Variants in TBC1D5 observed in about 807,000 individuals in gnomAD.
TBC1D5 encodes the protein TBC1 domain family member 5.
A neutral mutation model predicts 100.3 loss-of-function variants in TBC1D5; 75 were observed. That is an observed-to-expected ratio of 0.75 (90% CI 0.62 to 0.91). The LOEUF (loss-of-function observed/expected upper bound fraction) is 0.91, where lower values mean the gene tolerates loss of function less well. TBC1D5 is among the 40% of genes least tolerant of loss of function. The pLI is 0.00. For synonymous variants in TBC1D5, 323 were observed against 325.6 expected (o/e 0.99, Z 0.09); for missense variants, 910 against 942.4 (o/e 0.97, Z 0.45).
At chr3:17,499,230 G>C (rs115017016) in intron 3 of TBC1D5, among the ~76,000 whole-genome samples, 2 of 152,090 alleles carry the variant, frequency 1.3e-5, no homozygotes, top group Admixed American at 1.3e-4. Flanking sequence ...TAACAGAAGC[G>C]TTGGGGAGGT....
At chr3:17,233,043 T>C (rs2075548671) in intron 17 of TBC1D5, among the ~76,000 whole-genome samples, 1 of 152,180 alleles carries the variant, frequency 6.6e-6, no homozygotes. Flanking sequence ...TTATATGTTT[T>C]AAAATTGCAT....
At chr3:17,602,730 A>G (rs2153597217) in intron 2 of TBC1D5, among the ~76,000 whole-genome samples, 1 of 151,280 alleles carries the variant, frequency 6.6e-6, no homozygotes, top group East Asian at 1.9e-4. Context: ...CCGCCACCAC[A>G]CCCAGCTAAT....
intron 1 of TBC1D5, among the ~76,000 whole-genome samples, chr3:17,651,688 G>A (rs1359715795): frequency 6.6e-6 from 1 of 151,346 alleles, no homozygotes; most frequent in African/African-American, 2.4e-5. Context: ...GGGTGACAGA[G>A]ACTCGTCTCA....
At chr3:17,691,519 C>G (rs760560588) in intron 1 of TBC1D5, among the ~76,000 whole-genome samples, 11 of 152,090 alleles carry the variant, frequency 7.2e-5, no homozygotes, top group Non-Finnish European at 1.6e-4. Context: ...AAATGCTCCA[C>G]GAAAGAAAAT....
chr3:17,533,068 T>G (rs1049499933), intron 2 of TBC1D5, among the ~76,000 whole-genome samples: 3 of 112,208 alleles, frequency 2.7e-5, no homozygotes, highest in Non-Finnish European at 5.3e-5. Context: ...CACACACACA[T>G]ACACAGACAC....
chr3:17,177,630 C>A (rs2125353922), intron 19 of TBC1D5, among the ~76,000 whole-genome samples: 1 of 152,316 alleles, frequency 6.6e-6, no homozygotes, highest in South Asian at 2.1e-4. Flanking sequence ...CAGAATCTGT[C>A]AAGGGCCAGT....
At chr3:17,243,869 T>C (rs1027458663) in intron 16 of TBC1D5, among the ~76,000 whole-genome samples, 3 of 152,244 alleles carry the variant, frequency 2.0e-5, no homozygotes, top group South Asian at 4.1e-4. Flanking sequence ...CTGTATAACT[T>C]TGGCAATCAG....
chr3:17,605,405 T>C (rs1195460002), intron 2 of TBC1D5, among the ~76,000 whole-genome samples: 3 of 152,204 alleles, frequency 2.0e-5, no homozygotes, highest in Admixed American at 1.3e-4. Context: ...TCATAAGTAA[T>C]GTGTTGAATT....
chr3:17,230,641 C>T (rs896334907), intron 17 of TBC1D5, among the ~76,000 whole-genome samples: 9 of 151,640 alleles, frequency 5.9e-5, no homozygotes, highest in African/African-American at 1.5e-4. Context: ...GATATCTGTG[C>T]GTATGTATAT....
intron 17 of TBC1D5, among the ~76,000 whole-genome samples, chr3:17,222,080 T>C (rs1479317496): frequency 6.6e-6 from 1 of 152,218 alleles, no homozygotes; most frequent in African/African-American, 2.4e-5. Flanking sequence ...CCTTTTGGTT[T>C]CACTCATGTA....
intron 1 of TBC1D5, among the ~76,000 whole-genome samples, chr3:17,716,709 A>G (rs1234461269): frequency 1.3e-5 from 2 of 152,204 alleles, no homozygotes; most frequent in African/African-American, 4.8e-5. Context: ...TCATGTAATC[A>G]TTATATGAAA....
intron 1 of TBC1D5, among the ~76,000 whole-genome samples, chr3:17,625,571 G>A (rs1450209683): frequency 6.6e-6 from 1 of 152,038 alleles, no homozygotes; most frequent in Non-Finnish European, 1.5e-5. Context: ...TGAGAATACA[G>A]AAGGCATATT....
chr3:17,590,138 T>C (rs534624255), intron 2 of TBC1D5, among the ~76,000 whole-genome samples: 1 of 152,026 alleles, frequency 6.6e-6, no homozygotes, highest in Admixed American at 6.6e-5. Flanking sequence ...AGGTTGAGAG[T>C]GTGACCCATG....
At chr3:17,548,493 T>C (rs2096440833) in intron 2 of TBC1D5, among the ~76,000 whole-genome samples, 1 of 152,160 alleles carries the variant, frequency 6.6e-6, no homozygotes, top group Non-Finnish European at 1.5e-5. Context: ...AAAAAAAACC[T>C]TTGTGCATCT....
rs914996560 is a variant in TBC1D5 at position 17,395,922 on chromosome 3, G to C, written c.509+7259C>G. Among the ~76,000 whole-genome samples the C allele has an allele frequency of 2.0e-5, 3 of 152,100 alleles. No individual in the cohort carries two copies. In the East Asian group the frequency reaches 5.8e-4, roughly 29 times the overall value. On this transcript the variant is annotated intron_variant, in intron 8 of 21. Coordinates refer to ENST00000253692, the Ensembl canonical transcript of TBC1D5. The stretch of plus-strand genomic sequence containing the variant: ...AACAGTACAGGAGCAGTACAGGAAA[G>C]ATACTAAATATACATATGCAATAGT...
At chr3:17,256,331 A>G (rs2077667209) in intron 16 of TBC1D5, among the ~76,000 whole-genome samples, 1 of 150,464 alleles carries the variant, frequency 6.6e-6, no homozygotes, top group African/African-American at 2.4e-5. Flanking sequence ...AAAAGACGAC[A>G]AAAAGTGTTC....
rs553921750 is a variant in TBC1D5, at chr3:17,524,396, A to C, written c.-35-15791T>G. 2.0e-5 allele frequency among the ~76,000 whole-genome samples: 3 copies of C among 152,368 alleles called. No individual in the cohort carries two copies. The East Asian group carries it at 5.8e-4, about 29-fold the overall frequency. On this transcript the variant is annotated intron_variant, in intron 2 of 21. Transcript: ENST00000253692. ...TACTAATGCATCTAACTTTTGAATC[A>C]ACAATTCTACCACTAAAAATGTATC...
intron 1 of TBC1D5, among the ~76,000 whole-genome samples, chr3:17,634,340 T>C (rs2153682161): frequency 1.3e-5 from 2 of 152,226 alleles, no homozygotes; most frequent in Middle Eastern, 3.4e-3. Flanking sequence ...CATCAACAGA[T>C]GAATGAGTAA....
chr3:17,373,499 C>G (rs1236897914), intron 12 of TBC1D5, among the ~76,000 whole-genome samples: 2 of 152,108 alleles, frequency 1.3e-5, no homozygotes, highest in African/African-American at 4.8e-5. Flanking sequence ...ATAGTTAACT[C>G]AGCAATTCCA....
Sources: allele counts gnomAD v4.1 joint callset (sites outside exome capture counted in the v4.1 genomes callset), GRCh38; gene constraint gnomAD v4.1.1; transcripts MANE v1.5; gene names NCBI Gene and HGNC (gene_info 2026-07-23, HGNC 2026-07-21).